LHX3: variants seen among roughly 807,000 people sequenced by gnomAD.
The protein encoded by LHX3 is LIM homeobox 3, also known as LIM/homeobox protein Lhx3.
In LHX3, 21 loss-of-function variants were observed where a neutral mutation model predicts 32.4. The observed-to-expected ratio is 0.65, with a 90% confidence interval of 0.46 to 0.93. The LOEUF (loss-of-function observed/expected upper bound fraction) is 0.93, where lower values mean the gene tolerates loss of function less well. LHX3 is among the 40% of genes least tolerant of loss of function. The probability of loss-of-function intolerance (pLI) is 0.00; values close to 1 mark genes in which losing one functional copy is unlikely to be tolerated. For synonymous variants in LHX3, 258 were observed against 246.8 expected, an observed-to-expected ratio of 1.05 and a Z score of -0.43; for missense variants, 626 against 560.0, an observed-to-expected ratio of 1.12 and a Z score of -1.19.
In LHX3 at chr9:136,197,238, C is replaced by T; in HGVS notation, c.*87G>A. On this transcript the variant is annotated 3_prime_UTR_variant, in exon 6 of 6. Transcript: ENST00000371748. ...CCAGCCCTCCCTTGACGCCCTGGCC[C>T]CACTTCCTCGGAAACCCCAGCAGCC... 1 of 1,421,706 alleles carries T rather than the reference C, an allele frequency of 7.0e-7. No individual in the cohort carries two copies. The highest frequency in any genetic ancestry group is 9.8e-7 in the Non-Finnish European group (1 of 1,020,972). The allele number at this position is 1,421,706 out of a possible 1,614,324, so 88.1% of individuals were successfully genotyped here.
chr9:136,198,618 G>GGT, intron 5 of LHX3, 34 bp downstream of exon 5: 1 of 1,449,130 alleles, frequency 6.9e-7, no homozygotes, highest in Non-Finnish European at 9.2e-7. Flanking sequence ...ACGCGCGCTC[G>GGT]TCCCCCCCCG....
chr9:136,203,138 C>T (rs1029125656), intron 1 of LHX3: 26 of 1,389,592 alleles, frequency 1.9e-5, no homozygotes, highest in Non-Finnish European at 2.3e-5. Flanking sequence ...CAAGCGACTC[C>T]GGGTGCTGCT....
At chr9:136,203,372 A>G (rs1019776158) in intron 1 of LHX3, among the ~76,000 whole-genome samples, 1 of 152,078 alleles carries the variant, frequency 6.6e-6, no homozygotes, top group African/African-American at 2.4e-5. Flanking sequence ...GGCCCAGGTC[A>G]GGGCTTCCCG....
rs531360337 is a variant in LHX3 at position 136,201,814 on chromosome 9, G to T, written c.80-1061C>A. 111 of 614,460 alleles carry T rather than the reference G, an allele frequency of 1.8e-4. No individual in the cohort carries two copies. The African/African-American group carries it at 2.1e-3, about 12-fold the overall frequency. The allele number at this position is 614,460 out of a possible 1,614,324, so 38.1% of individuals were successfully genotyped here. A position where few individuals can be genotyped will look rare whatever the true frequency, so the allele number is the denominator to read the frequency against. On this transcript the variant is annotated intron_variant, in intron 1 of 5. Transcript: ENST00000371748. Reference sequence around the variant, plus strand: ...CGCAGCTCCGGGTGCGGAGCGTCGAGGACCCGCTGCGCGCCCGGGGTCCCC... The same window carrying T: ...CGCAGCTCCGGGTGCGGAGCGTCGATGACCCGCTGCGCGCCCGGGGTCCCC...
chr9:136,197,461 C>T lies in LHX3; in HGVS notation c.1058G>A (p.Gly353Asp). 1 of 1,576,246 alleles carries T rather than the reference C, an allele frequency of 6.3e-7. No homozygotes were observed. Among genetic ancestry groups the T allele is most frequent in the Non-Finnish European group, 8.6e-7 (1 of 1,161,858 alleles). ...CAGCACCCTCATGGGTGGGGGCCCG[C>T]CGGGGGCTCCCGAGGGCACAAGGCC... ...SLGLVPSGAP[G>D]GPPPMRVLAG... is the part of the protein sequence containing the mutation. Residue 353 changes from glycine (G) to aspartate (D), a missense_variant, in exon 6 of 6, where the codon GGC becomes GAC. Gly to Asp is a moderately conservative substitution (Grantham distance 94). Coordinates refer to ENST00000371748, the MANE Select transcript of LHX3 (RefSeq NM_178138.6).
intron 1 of LHX3, chr9:136,202,873 TC>T (rs1320771010): frequency 6.7e-7 from 1 of 1,488,720 alleles, no homozygotes; most frequent in Non-Finnish European, 9.0e-7. Flanking sequence ...CCTGCCAGCC[TC>T]CGCGGCCAGG....
chr9:136,198,620 C>CCA, intron 5 of LHX3, 32 bp downstream of exon 5: 1 of 1,434,632 alleles, frequency 7.0e-7, no homozygotes, highest in South Asian at 1.2e-5. Flanking sequence ...GCGCGCTCGT[C>CCA]CCCCCCCGAG....
chr9:136,199,149 G>A (rs1831574729), intron 3 of LHX3, 90 bp from the exon 4 acceptor site: 2 of 686,600 alleles, frequency 2.9e-6, no homozygotes, highest in Non-Finnish European at 2.0e-6. Flanking sequence ...CGGGGACGTC[G>A]GGGCCTCAGG....
intron 2 of LHX3, 91 bp downstream of exon 2, chr9:136,200,491 C>T: frequency 7.1e-6 from 10 of 1,402,614 alleles, no homozygotes; most frequent in East Asian, 2.5e-5. Context: ...ACGCAGGCTT[C>T]GAGGGCCTGG....
At position 136,197,662 on chromosome 9, in the gene LHX3, G is replaced by A. The variant is rs772362157; in HGVS notation, c.857C>T (p.Pro286Leu). ...LGEPTQALGRPSGALGNFSLE... is the reference protein window; with the variant it reads ...LGEPTQALGRLSGALGNFSLE... ...GGAGAAGTTGCCCAGGGCTCCCGAGGGCCGGCCCAAGGCCTGGGTGGGTTC... is the reference window on the plus strand; with the variant it reads ...GGAGAAGTTGCCCAGGGCTCCCGAGAGCCGGCCCAAGGCCTGGGTGGGTTC... The change falls in exon 6 of 6, where the codon CCC (proline) becomes CTC (leucine). Residue 286 changes from proline to leucine, a missense_variant. Physicochemically the swap from Pro to Leu is moderately conservative, Grantham distance 98 (BLOSUM62 -3). Transcript: ENST00000371748. 4 of 1,602,208 alleles carry A rather than the reference G, an allele frequency of 2.5e-6. No individual in the cohort carries two copies. The Admixed American group carries it at 6.8e-5, about 27-fold the overall frequency.
intron 1 of LHX3, among the ~76,000 whole-genome samples, chr9:136,203,327 C>T (rs1242908833): frequency 6.6e-6 from 1 of 151,830 alleles, no homozygotes; most frequent in Non-Finnish European, 1.5e-5. Context: ...GGCCGCCCCG[C>T]GTGCCCGGCC....
At position 136,198,829 on chromosome 9, in the gene LHX3, G is replaced by A. The variant is rs779906527; in HGVS notation, c.607-9C>T. The stretch of plus-strand genomic sequence containing the variant: ...CGGTTCTGGAACCAAACCTGGGGGC[G>A]GGGCGGGGTGAGCGGCCGCCCGGCT... On this transcript the variant is annotated splice_polypyrimidine_tract_variant and intron_variant, in intron 4 of 5. Coordinates refer to ENST00000371748, the MANE Select transcript of LHX3 (RefSeq NM_178138.6). 1 of 1,603,070 alleles carries A rather than the reference G, an allele frequency of 6.2e-7. No homozygotes were observed. Among genetic ancestry groups the A allele is most frequent in the Non-Finnish European group, 8.5e-7 (1 of 1,176,742 alleles).
At chr9:136,201,324 T>C (rs1831635010) in intron 1 of LHX3, 14 of 1,255,682 alleles carry the variant, frequency 1.1e-5, no homozygotes, top group Non-Finnish European at 1.4e-5. Flanking sequence ...GCCGCAAAAT[T>C]ACTTATGAGT....
intron 1 of LHX3, 109 bp downstream of exon 1, chr9:136,204,825 G>A: frequency 1.1e-6 from 1 of 891,722 alleles, no homozygotes; most frequent in Non-Finnish European, 1.8e-6. Context: ...TGTCCCGCCT[G>A]CAGAGCGGCG....
In LHX3 at chr9:136,200,655, C is replaced by T. The variant is rs146027009; in HGVS notation, c.178G>A (p.Asp60Asn). Residue 60 changes from aspartate (D) to asparagine (N), a missense_variant, in exon 2 of 6, where the codon GAC becomes AAC. Coordinates refer to ENST00000371748, the MANE Select transcript of LHX3 (RefSeq NM_178138.6). ...HWHSKCLKCS[D>N]CHTPLAERCF... ...CGCTCGGCCAGTGGCGTGTGGCAGT[C>T]GCTGCACTTGAGACACTTGCTGTGC... 1.7e-5 allele frequency: 27 copies of T among 1,613,494 alleles called. No homozygotes were observed. Among genetic ancestry groups the T allele is most frequent in the Non-Finnish European group, 2.1e-5 (25 of 1,180,046 alleles).
At chr9:136,201,213 C>T in intron 1 of LHX3, 2 of 1,317,910 alleles carry the variant, frequency 1.5e-6, no homozygotes, top group Non-Finnish European at 1.9e-6. Flanking sequence ...AGCGTCATGG[C>T]CACTCTTTCT....
intron 5 of LHX3, among the ~76,000 whole-genome samples, chr9:136,198,247 C>A (rs978358028): frequency 6.6e-6 from 1 of 152,204 alleles, no homozygotes; most frequent in African/African-American, 2.4e-5. Context: ...CTCTCCCTGA[C>A]CCCAGGTAGC....
intron 1 of LHX3, chr9:136,201,621 A>C: frequency 1.0e-6 from 1 of 1,000,502 alleles, no homozygotes; most frequent in African/African-American, 1.7e-5. Context: ...TTACTGACAT[A>C]TTGCACCCGC....
At chr9:136,201,671 CA>C in intron 1 of LHX3, 1 of 989,180 alleles carries the variant, frequency 1.0e-6, no homozygotes, top group Non-Finnish European at 1.2e-6. Context: ...GCCCATCTCC[CA>C]GTGGGTGAGA....
Sources: allele counts gnomAD v4.1 joint callset (sites outside exome capture counted in the v4.1 genomes callset), GRCh38; gene constraint gnomAD v4.1.1; transcripts MANE v1.5; gene names NCBI Gene and HGNC (gene_info 2026-07-23, HGNC 2026-07-21).